Variants in GPR158 observed in about 807,000 individuals in gnomAD.
The protein encoded by GPR158 is metabotropic glycine receptor.
Under a neutral mutation model 78.2 loss-of-function variants are expected in GPR158, and 30 were observed. That is an observed-to-expected ratio of 0.38 (90% CI 0.29 to 0.52). GPR158 has a LOEUF of 0.52. Ranked by LOEUF, GPR158 falls within the 20% of genes least tolerant of loss-of-function variation. GPR158 has a pLI of 0.83. For synonymous variants in GPR158, 581 were observed against 591.1 expected, an observed-to-expected ratio of 0.98 and a Z score of 0.25; for missense variants, 1,463 against 1,523.5, an observed-to-expected ratio of 0.96 and a Z score of 0.66.
chr10:25,278,883 T>G (rs561973364), intron 2 of GPR158, among the ~76,000 whole-genome samples: 1 of 151,924 alleles, frequency 6.6e-6, no homozygotes, highest in Non-Finnish European at 1.5e-5. Context: ...TAAAAGTACT[T>G]CATAAAGATA....
chr10:25,199,310 T>G lies in GPR158; in HGVS notation c.903-21742T>G, dbSNP rs112605838. Among the ~76,000 whole-genome samples, 1,138 of 152,210 alleles carry G rather than the reference T, an allele frequency of 7.5e-3. 23 individuals are homozygous for G. The highest frequency in any genetic ancestry group is 0.026 in the African/African-American group (1,079 of 41,532). ...TAGGTAGTTTTTCATTCCTCTCCCT[T>G]CTACTCATCACTCTCAAGTAGCCCT... On this transcript the variant is annotated intron_variant, in intron 1 of 10. Coordinates refer to ENST00000376351, the MANE Select transcript of GPR158 (RefSeq NM_020752.3).
intron 4 of GPR158, among the ~76,000 whole-genome samples, chr10:25,452,322 A>G (rs536359649): frequency 7.2e-5 from 11 of 152,290 alleles, no homozygotes; most frequent in African/African-American, 2.6e-4. Flanking sequence ...CTAGGATTAT[A>G]GGCATGAGCC....
At chr10:25,497,689 G>T (rs1006157080) in intron 5 of GPR158, among the ~76,000 whole-genome samples, 4 of 152,080 alleles carry the variant, frequency 2.6e-5, no homozygotes, top group Non-Finnish European at 5.9e-5. Flanking sequence ...TGCTTAGCAA[G>T]GTGAATAAAA....
intron 4 of GPR158, among the ~76,000 whole-genome samples, chr10:25,451,953 C>A (rs1277253074): frequency 6.6e-6 from 1 of 152,130 alleles, no homozygotes; most frequent in Non-Finnish European, 1.5e-5. Context: ...CCCCGTTTTA[C>A]CCAGTAGAGT....
intron 2 of GPR158, among the ~76,000 whole-genome samples, chr10:25,304,902 G>A (rs1854648496): frequency 6.6e-6 from 1 of 152,118 alleles, no homozygotes; most frequent in African/African-American, 2.4e-5. Context: ...AGCCTCTTTA[G>A]CAATTCAACA....
intron 5 of GPR158, among the ~76,000 whole-genome samples, chr10:25,488,688 T>A (rs1032641095): frequency 6.6e-6 from 1 of 152,136 alleles, no homozygotes; most frequent in African/African-American, 2.4e-5. Flanking sequence ...TTTCACTTGC[T>A]TGGAAGGAAA....
Position 25,601,979 on chromosome 10 carries a change from C to G in GPR158, c.*2705C>G, listed in dbSNP as rs1837506087. The G allele has an allele frequency of 6.6e-6, 1 of 152,516 alleles. No individual in the cohort carries two copies. The highest frequency in any genetic ancestry group is 2.4e-5 in the African/African-American group (1 of 41,436). The allele number at this position is 152,516 out of a possible 1,614,324, so 9.4% of individuals were successfully genotyped here. A position where few individuals can be genotyped will look rare whatever the true frequency, so the allele number is the denominator to read the frequency against. On this transcript the variant is annotated 3_prime_UTR_variant, in exon 11 of 11. Transcript: ENST00000376351. Reference sequence around the variant, plus strand: ...TCGACAGTTCTCTTGTATTTGCTTCCTAGGTTTCTGCATGCAAGTTATGAC... The same window carrying G: ...TCGACAGTTCTCTTGTATTTGCTTCGTAGGTTTCTGCATGCAAGTTATGAC...
In GPR158 at chr10:25,594,154, A is replaced by G. The variant is rs1837372922; in HGVS notation, c.1893-138A>G. ...TAGACTTTATTCTTTTGAGATGAAA[A>G]TATATGCCATAGAAATAGTAATACA... is the stretch of plus-strand genomic sequence containing the variant. On this transcript the variant is annotated intron_variant, in intron 8 of 10. Transcript: ENST00000376351. 8.5e-6 allele frequency: 5 copies of G among 588,874 alleles called. No individual in the cohort carries two copies. In the Admixed American group the frequency reaches 1.6e-4, roughly 18 times the overall value. 36.5% of individuals were successfully genotyped at this position (588,874 alleles called of 1,614,324 possible).
chr10:25,507,987 C>T (rs1005204828), intron 5 of GPR158, among the ~76,000 whole-genome samples: 2 of 151,838 alleles, frequency 1.3e-5, no homozygotes, highest in Non-Finnish European at 1.5e-5. Context: ...TTTATAAGGA[C>T]GGTTTTTTAA....
At chr10:25,267,647 A>G (rs1854060403) in intron 2 of GPR158, among the ~76,000 whole-genome samples, 2 of 152,208 alleles carry the variant, frequency 1.3e-5, no homozygotes, top group South Asian at 4.1e-4. Context: ...TCAAAGCTTC[A>G]CCATAATCTC....
intron 2 of GPR158, among the ~76,000 whole-genome samples, chr10:25,338,459 A>AACG (rs1564426169): frequency 8.0e-5 from 11 of 137,826 alleles, no homozygotes; most frequent in Admixed American, 1.4e-4. Flanking sequence ...TAATATATAT[A>AACG]TTACGTATAT....
intron 2 of GPR158, among the ~76,000 whole-genome samples, chr10:25,276,851 T>C (rs1399045613): frequency 1.3e-5 from 2 of 152,132 alleles, no homozygotes; most frequent in Non-Finnish European, 2.9e-5. Flanking sequence ...GGGAATAGAT[T>C]TGTCACAGAA....
At chr10:25,252,437 T>C (rs917331079) in intron 2 of GPR158, among the ~76,000 whole-genome samples, 3 of 152,060 alleles carry the variant, frequency 2.0e-5, no homozygotes, top group South Asian at 2.1e-4. Context: ...TTCCCCATCT[T>C]TGTGGTTTTA....
At chr10:25,238,716 A>G (rs1853563091) in intron 2 of GPR158, among the ~76,000 whole-genome samples, 1 of 152,212 alleles carries the variant, frequency 6.6e-6, no homozygotes, top group Non-Finnish European at 1.5e-5. Flanking sequence ...TGGGTTAGAA[A>G]ATGGGATTTG....
intron 5 of GPR158, among the ~76,000 whole-genome samples, chr10:25,491,340 T>C (rs1398796202): frequency 6.6e-6 from 1 of 152,194 alleles, no homozygotes; most frequent in Non-Finnish European, 1.5e-5. Context: ...GTGTCTCCTT[T>C]ATATTTCTCC....
At chr10:25,192,302 C>A (rs1339772084) in intron 1 of GPR158, among the ~76,000 whole-genome samples, 1 of 152,154 alleles carries the variant, frequency 6.6e-6, no homozygotes, top group Non-Finnish European at 1.5e-5. Flanking sequence ...TTCCTGAGGC[C>A]TCCCCAGCCA....
intron 5 of GPR158, among the ~76,000 whole-genome samples, chr10:25,516,983 T>C (rs1283653206): frequency 6.7e-6 from 1 of 149,900 alleles, no homozygotes; most frequent in Non-Finnish European, 1.5e-5. Flanking sequence ...TTTCACGATA[T>C]TGATTCTTCC....
intron 3 of GPR158, among the ~76,000 whole-genome samples, chr10:25,403,237 G>A (rs957668670): frequency 6.6e-6 from 1 of 151,798 alleles, no homozygotes; most frequent in Non-Finnish European, 1.5e-5. Flanking sequence ...ATATCTAGAA[G>A]TTTTATGTTT....
intron 4 of GPR158, among the ~76,000 whole-genome samples, chr10:25,465,270 A>G (rs1416922252): frequency 6.6e-6 from 1 of 152,176 alleles, no homozygotes; most frequent in Non-Finnish European, 1.5e-5. Flanking sequence ...TAATTTCTGT[A>G]TACATTTTGT....
Sources: gnomAD v4.1 joint callset for allele counts (sites outside exome capture counted in the v4.1 genomes callset) on GRCh38, gnomAD v4.1.1 for gene constraint, MANE v1.5 for transcripts, NCBI Gene and HGNC (gene_info 2026-07-23, HGNC 2026-07-21) for gene names.